The following PRDM16 variants were observed in gnomAD, a reference collection of about 807,000 sequenced individuals.
PRDM16 encodes the protein PR/SET domain 16.
Under a neutral mutation model 110.6 loss-of-function variants are expected in PRDM16, and 23 were observed. The observed-to-expected ratio is 0.21, with a 90% CI of 0.15 to 0.29. The LOEUF (loss-of-function observed/expected upper bound fraction) is 0.29, where lower values mean the gene tolerates loss of function less well. PRDM16 is among the 10% of genes least tolerant of loss of function. The probability of loss-of-function intolerance (pLI) is 1.00; values close to 1 mark genes in which losing one functional copy is unlikely to be tolerated. For synonymous variants in PRDM16, 799 were observed against 781.8 expected (o/e 1.02, Z -0.37); for missense variants, 1,615 against 1,794.3 (o/e 0.90, Z 1.81).
intron 2 of PRDM16, among the ~76,000 whole-genome samples, chr1:3,198,769 C>T (rs1211908506): frequency 1.3e-5 from 2 of 152,186 alleles, no homozygotes; most frequent in African/African-American, 4.8e-5. Context: ...GTCTGGCTTT[C>T]GGCGGAGTCG....
chr1:3,191,852 T>G (rs2651914), intron 2 of PRDM16, among the ~76,000 whole-genome samples: 150,554 of 152,226 alleles, frequency 0.99, 74,454 homozygotes, highest in East Asian at 1. Flanking sequence ...TGTCCATGAT[T>G]GGCTTTTAAA....
At position 3,160,991 on chromosome 1, in the gene PRDM16, G is replaced by C. The variant is rs113031893; in HGVS notation, c.38-25134G>C. On this transcript the variant is annotated intron_variant, in intron 1 of 16. Transcript: ENST00000270722. ...TGACAATGCTGCCCGTCTATTCGGA[G>C]ACCCTGAAATGGGGGGAAAAGGCAG... is the stretch of plus-strand genomic sequence containing the variant. Among the ~76,000 whole-genome samples the C allele has an allele frequency of 3.0e-3, 457 of 152,262 alleles. 1 individual carries two copies. Among genetic ancestry groups the C allele is most frequent in the African/African-American group, 0.01 (425 of 41,552 alleles).
chr1:3,263,946 C>T (rs914386204), intron 3 of PRDM16, among the ~76,000 whole-genome samples: 1 of 152,180 alleles, frequency 6.6e-6, no homozygotes, highest in Admixed American at 6.5e-5. Context: ...CTCGCCCTCT[C>T]TGTGACCCCC....
chr1:3,391,934 T>C (rs2493268), intron 4 of PRDM16, among the ~76,000 whole-genome samples: 69,075 of 152,160 alleles, frequency 0.45, 16,636 homozygotes, highest in Middle Eastern at 0.52. Context: ...GCATCATCAC[T>C]ACGACATGCT....
At chr1:3,126,095 A>G (rs1643199221) in intron 1 of PRDM16, among the ~76,000 whole-genome samples, 1 of 152,208 alleles carries the variant, frequency 6.6e-6, no homozygotes, top group African/African-American at 2.4e-5. Context: ...ATCTGTGAAT[A>G]TACAACTGTT....
chr1:3,374,113 G>T (rs1221730657), intron 3 of PRDM16, among the ~76,000 whole-genome samples: 1 of 152,224 alleles, frequency 6.6e-6, no homozygotes, highest in Admixed American at 6.5e-5. Flanking sequence ...CCTCTCAGGA[G>T]GGCCAGGGCT....
chr1:3,071,205 G>T lies in PRDM16; in HGVS notation c.37+1909G>T, dbSNP rs543087182. ...GGGCCTTCGCTGCAAGCGAGAGGCG[G>T]ACTCGGCGCACCCGCGCGGCCCTGG... On this transcript the variant is annotated intron_variant, in intron 1 of 16. Coordinates refer to ENST00000270722, the MANE Select transcript of PRDM16 (RefSeq NM_022114.4). Among the ~76,000 whole-genome samples the T allele has an allele frequency of 1.1e-4, 16 of 152,378 alleles. No homozygotes were observed. In the East Asian group the frequency reaches 1.5e-3, roughly 15 times the overall value.
intron 10 of PRDM16, among the ~76,000 whole-genome samples, chr1:3,416,974 G>A (rs1224132965): frequency 6.6e-6 from 1 of 152,226 alleles, no homozygotes; most frequent in Non-Finnish European, 1.5e-5. Flanking sequence ...GGGGAGCTGG[G>A]AGAGGCAGGG....
chr1:3,245,154 G>C lies in PRDM16; in HGVS notation c.438+1017G>C, dbSNP rs900591762. 2.0e-5 allele frequency among the ~76,000 whole-genome samples: 3 copies of C among 152,188 alleles called. No homozygotes were observed. The highest frequency in any genetic ancestry group is 2.9e-5 in the Non-Finnish European group (2 of 68,032). On this transcript the variant is annotated intron_variant, in intron 3 of 16. Coordinates refer to ENST00000270722, the MANE Select transcript of PRDM16 (RefSeq NM_022114.4). The surrounding 1 kb of genome is among the most constrained non-coding windows in gnomAD (Gnocchi z 4.7). Reference sequence around the variant, plus strand: ...GCCTACCGAGTGCTGTTACAATTCTGTCAGAATTACAACTGGATTCCGTGA... The same window carrying C: ...GCCTACCGAGTGCTGTTACAATTCTCTCAGAATTACAACTGGATTCCGTGA...
chr1:3,225,133 G>A (rs1184159371), intron 2 of PRDM16, among the ~76,000 whole-genome samples: 1 of 149,042 alleles, frequency 6.7e-6, no homozygotes, highest in Admixed American at 6.7e-5. Flanking sequence ...TATATGCTTG[G>A]CAAAATATGG....
chr1:3,404,430 G>A (rs980433396), intron 6 of PRDM16, among the ~76,000 whole-genome samples: 3 of 152,280 alleles, frequency 2.0e-5, no homozygotes, highest in African/African-American at 7.2e-5. Flanking sequence ...GGACCAGCTT[G>A]AGAGGCACCC....
At chr1:3,202,181 T>C (rs1027253453) in intron 2 of PRDM16, among the ~76,000 whole-genome samples, 2 of 152,174 alleles carry the variant, frequency 1.3e-5, no homozygotes, top group African/African-American at 4.8e-5. Context: ...CATGGTAGAC[T>C]TTCATCATCT....
intron 3 of PRDM16, among the ~76,000 whole-genome samples, chr1:3,334,364 G>C (rs1642102875): frequency 6.6e-6 from 1 of 152,192 alleles, no homozygotes; most frequent in Non-Finnish European, 1.5e-5. Context: ...CAAAGGCCAG[G>C]GGGAGATGGC....
chr1:3,129,357 G>A (rs548660412), intron 1 of PRDM16, among the ~76,000 whole-genome samples: 13 of 141,756 alleles, frequency 9.2e-5, no homozygotes, highest in Middle Eastern at 3.9e-3. Flanking sequence ...GTGTGTGTGC[G>A]CACGTGGGTG....
chr1:3,363,334 A>G (rs977941589), intron 3 of PRDM16, among the ~76,000 whole-genome samples: 7 of 152,194 alleles, frequency 4.6e-5, no homozygotes, highest in African/African-American at 1.7e-4. Context: ...TGAGATGGAC[A>G]AGCTCACATT....
rs990518835 is a variant in PRDM16 at position 3,143,914 on chromosome 1, T to A, written c.38-42211T>A. Among the ~76,000 whole-genome samples the A allele has an allele frequency of 2.0e-5, 3 of 152,150 alleles. No homozygotes were observed. Among genetic ancestry groups the A allele is most frequent in the African/African-American group, 4.8e-5 (2 of 41,436 alleles). Reference sequence around the variant, plus strand: ...CAAGCTTGGGGTTCCTGGGGCATCTTGTCATGTGTTAGTCGTAGTGAAGGC... The same window carrying A: ...CAAGCTTGGGGTTCCTGGGGCATCTAGTCATGTGTTAGTCGTAGTGAAGGC... On this transcript the variant is annotated intron_variant, in intron 1 of 16. Coordinates refer to ENST00000270722, the MANE Select transcript of PRDM16 (RefSeq NM_022114.4). The surrounding 1 kb of genome is among the most constrained non-coding windows in gnomAD (Gnocchi z 4.5).
intron 3 of PRDM16, among the ~76,000 whole-genome samples, chr1:3,371,897 G>T (rs1242382796): frequency 1.3e-5 from 2 of 152,218 alleles, no homozygotes; most frequent in Non-Finnish European, 2.9e-5. Context: ...GCTACCCCTG[G>T]GGGAGACATG....
chr1:3,325,460 A>G (rs1347374980), intron 3 of PRDM16, among the ~76,000 whole-genome samples: 1 of 152,216 alleles, frequency 6.6e-6, no homozygotes, highest in Non-Finnish European at 1.5e-5. Flanking sequence ...GGCACACACA[A>G]GTCCCACTAG....
chr1:3,110,553 G>A (rs1303441931), intron 1 of PRDM16, among the ~76,000 whole-genome samples: 1 of 152,070 alleles, frequency 6.6e-6, no homozygotes, highest in Non-Finnish European at 1.5e-5. Flanking sequence ...CATGTCCTGG[G>A]TGTGGGGACA....
Sources: gnomAD v4.1 joint callset for allele counts (sites outside exome capture counted in the v4.1 genomes callset) on GRCh38, gnomAD v4.1.1 for gene constraint, Gnocchi (gnomAD v3.1) non-coding constraint, MANE v1.5 for transcripts, NCBI Gene and HGNC (gene_info 2026-07-23, HGNC 2026-07-21) for gene names.